ABCG2: variants seen among roughly 807,000 people sequenced by gnomAD.
ABCG2 encodes broad substrate specificity ATP-binding cassette transporter ABCG2.
ABCG2 carries 80 observed loss-of-function variants against 73.5 expected under a neutral mutation model. That is an observed-to-expected ratio of 1.09 (90% CI 0.91 to 1.31). The LOEUF is 1.31. Among genes scored for constraint, ABCG2 ranks in the 50% most tolerant of loss-of-function variants. The pLI is 0.00. For synonymous variants in ABCG2, 269 were observed against 282.4 expected (o/e 0.95, Z 0.48); for missense variants, 796 against 786.2 (o/e 1.01, Z -0.15).
At position 88,218,823 on chromosome 4, in the gene ABCG2, C is replaced by A. The variant is rs190696974; in HGVS notation, c.-20+12171G>T. On this transcript the variant is annotated intron_variant, in intron 1 of 15. Transcript: ENST00000515655. Reference sequence around the variant, plus strand: ...GTAGACAATATCTCTAGTCTATTATCTTTACCTACATCATTGGTTGGTTGG... The same window carrying A: ...GTAGACAATATCTCTAGTCTATTATATTTACCTACATCATTGGTTGGTTGG... 7.2e-5 allele frequency among the ~76,000 whole-genome samples: 11 copies of A among 152,340 alleles called. No individual in the cohort carries two copies. In the East Asian group the frequency reaches 1.9e-3, roughly 27 times the overall value.
intron 1 of ABCG2, among the ~76,000 whole-genome samples, chr4:88,215,833 CG>C (rs1729789997): frequency 6.6e-6 from 1 of 152,154 alleles, no homozygotes; most frequent in African/African-American, 2.4e-5. Flanking sequence ...AATCTAGGTC[CG>C]TTAGGCAGAA....
chr4:88,118,904 G>A (rs1202874050), intron 6 of ABCG2, among the ~76,000 whole-genome samples: 1 of 152,182 alleles, frequency 6.6e-6, no homozygotes, highest in African/African-American at 2.4e-5. Flanking sequence ...CAGTTAGTAA[G>A]AGGCAAGGCT....
At chr4:88,174,082 G>C (rs1340285615) in intron 1 of ABCG2, among the ~76,000 whole-genome samples, 2 of 151,838 alleles carry the variant, frequency 1.3e-5, no homozygotes, top group Non-Finnish European at 2.9e-5. Context: ...TTGTAGACAG[G>C]GTTTTTGAAG....
chr4:88,134,840 A>G (rs1725133889), intron 2 of ABCG2, among the ~76,000 whole-genome samples: 4 of 152,164 alleles, frequency 2.6e-5, no homozygotes. Context: ...ACTCAACACA[A>G]TGATCAAGTA....
rs980832936 is a variant in ABCG2 at position 88,201,067 on chromosome 4, G to C, written c.-20+29927C>G. 2.0e-5 allele frequency among the ~76,000 whole-genome samples: 3 copies of C among 151,322 alleles called. No homozygotes were observed. The East Asian group carries it at 5.8e-4, about 29-fold the overall frequency. On this transcript the variant is annotated intron_variant, in intron 1 of 15. Coordinates refer to the ABCG2 transcript ENST00000515655. ...ACTAGAAATAGAAGAGTAAATTAAA[G>C]ACAAATTAAGCAGAAGAAAAGAAAT...
intron 1 of ABCG2, among the ~76,000 whole-genome samples, chr4:88,165,268 A>C (rs747303002): frequency 3.9e-5 from 6 of 152,356 alleles, no homozygotes; most frequent in Non-Finnish European, 7.3e-5. Flanking sequence ...CCACAAACTT[A>C]GTGGTTTAAG....
chr4:88,121,271 G>A (rs966843152), intron 6 of ABCG2, among the ~76,000 whole-genome samples: 3 of 152,164 alleles, frequency 2.0e-5, no homozygotes, highest in African/African-American at 7.2e-5. Flanking sequence ...GAAGGTGGAA[G>A]AATAAGATGA....
chr4:88,136,428 C>A (rs1456711630), intron 2 of ABCG2, among the ~76,000 whole-genome samples: 1 of 152,148 alleles, frequency 6.6e-6, no homozygotes, highest in Non-Finnish European at 1.5e-5. Flanking sequence ...CACAGTGAGT[C>A]TGGAACTGCT....
Position 88,132,550 on chromosome 4 carries a change from G to A in ABCG2, c.263+26C>T, listed in dbSNP as rs748149599. 1.1e-5 allele frequency: 17 copies of A among 1,612,444 alleles called. No homozygotes were observed. The East Asian group carries it at 2.9e-4, about 27-fold the overall frequency. Reference sequence around the variant, plus strand: ...AGCACATTAAAAGTGCACAGAAAACGCTTACTTATACTCTCTTATACTCAC... The same window carrying A: ...AGCACATTAAAAGTGCACAGAAAACACTTACTTATACTCTCTTATACTCAC... On this transcript the variant is annotated intron_variant, in intron 3 of 15. Transcript: ENST00000237612.
intron 1 of ABCG2, among the ~76,000 whole-genome samples, chr4:88,207,983 T>A (rs1178561258): frequency 6.6e-6 from 1 of 152,256 alleles, no homozygotes; most frequent in African/African-American, 2.4e-5. Context: ...CTCTGCTTTT[T>A]CTTAGGGCTG....
chr4:88,211,875 C>A (rs917382421), intron 1 of ABCG2, among the ~76,000 whole-genome samples: 1 of 152,172 alleles, frequency 6.6e-6, no homozygotes, highest in Non-Finnish European at 1.5e-5. Context: ...CTTTCTCAAG[C>A]CTCTCTTCCA....
At chr4:88,224,699 TA>T (rs1239866157) in intron 1 of ABCG2, among the ~76,000 whole-genome samples, 1 of 152,218 alleles carries the variant, frequency 6.6e-6, no homozygotes, top group Admixed American at 6.5e-5. Flanking sequence ...AAATTTTTTT[TA>T]ATTTTGATGA....
At chr4:88,217,218 T>A (rs2110127978) in intron 1 of ABCG2, among the ~76,000 whole-genome samples, 1 of 152,176 alleles carries the variant, frequency 6.6e-6, no homozygotes, top group South Asian at 2.1e-4. Context: ...TATACCTAGA[T>A]CTTACAGAGC....
intron 1 of ABCG2, among the ~76,000 whole-genome samples, chr4:88,152,441 A>G (rs1726560840): frequency 6.6e-6 from 1 of 152,086 alleles, no homozygotes. Context: ...AAAGGGAGAT[A>G]GGGATGGGGC....
intron 1 of ABCG2, among the ~76,000 whole-genome samples, chr4:88,166,140 C>T (rs924245913): frequency 2.6e-5 from 4 of 152,076 alleles, no homozygotes; most frequent in African/African-American, 9.7e-5. Context: ...AGAAAGAAGC[C>T]TTTCTGGAGC....
At chr4:88,147,007 G>A (rs1182651982) in intron 1 of ABCG2, among the ~76,000 whole-genome samples, 1 of 106,332 alleles carries the variant, frequency 9.4e-6, no homozygotes, top group Non-Finnish European at 1.9e-5. Flanking sequence ...AGAAGAAAGA[G>A]AAAGAAAAGG....
chr4:88,188,057 T>G (rs574945560), intron 1 of ABCG2, among the ~76,000 whole-genome samples: 1 of 152,336 alleles, frequency 6.6e-6, no homozygotes, highest in East Asian at 1.9e-4. Context: ...AAAGCACTGC[T>G]AAATCCAATG....
At chr4:88,216,860 C>T (rs1396914077) in intron 1 of ABCG2, among the ~76,000 whole-genome samples, 1 of 151,468 alleles carries the variant, frequency 6.6e-6, no homozygotes, top group Non-Finnish European at 1.5e-5. Context: ...CGAAACCCCC[C>T]TCTCTACTAA....
chr4:88,208,443 C>A (rs1229463266), intron 1 of ABCG2, among the ~76,000 whole-genome samples: 1 of 152,178 alleles, frequency 6.6e-6, no homozygotes, highest in African/African-American at 2.4e-5. Context: ...TACTTTGGCC[C>A]AGGGAACTCT....
Sources: allele counts gnomAD v4.1 joint callset (sites outside exome capture counted in the v4.1 genomes callset), GRCh38; gene constraint gnomAD v4.1.1; transcripts MANE v1.5; gene names NCBI Gene and HGNC (gene_info 2026-07-23, HGNC 2026-07-21).